Variants in SLC4A4 observed in about 807,000 individuals in gnomAD.
The protein encoded by SLC4A4 is electrogenic sodium bicarbonate cotransporter 1.
SLC4A4 carries 27 observed loss-of-function variants against 111.5 expected under a neutral mutation model. The observed-to-expected ratio is 0.24, with a 90% confidence interval of 0.18 to 0.33. The LOEUF (loss-of-function observed/expected upper bound fraction) is 0.33. SLC4A4 is among the 10% of genes least tolerant of loss of function. SLC4A4 has a pLI of 1.00. For synonymous variants in SLC4A4, 443 were observed against 463.4 expected, an observed-to-expected ratio of 0.96 and a Z score of 0.57; for missense variants, 909 against 1,315.5, an observed-to-expected ratio of 0.69 and a Z score of 4.78.
intron 1 of SLC4A4, among the ~76,000 whole-genome samples, chr4:71,199,804 C>T (rs548000559): frequency 6.6e-6 from 1 of 152,230 alleles, no homozygotes; most frequent in South Asian, 2.1e-4. Context: ...GAGCGCACCA[C>T]CATGCCTGGC....
chr4:71,468,464 C>CT (rs943333261), intron 13 of SLC4A4, among the ~76,000 whole-genome samples: 3 of 151,728 alleles, frequency 2.0e-5, no homozygotes, highest in Non-Finnish European at 4.4e-5. Flanking sequence ...CTCGTTCTCC[C>CT]TTTTTTTTCT....
intron 3 of SLC4A4, among the ~76,000 whole-genome samples, chr4:71,317,075 CGTGTGTGTGTGT>C (rs3039073): frequency 2.0e-4 from 29 of 147,482 alleles, no homozygotes; most frequent in African/African-American, 6.8e-4. Context: ...TGTGTGTGTG[CGTGTGTGTGTGT>C]GTGTGTGTGT....
In SLC4A4 at chr4:71,083,580, C is replaced by A. The variant is rs563145915; in HGVS notation, c.-64-9150C>A. ...ATACCTGAAGTGACAGACAGGGCAG[C>A]TAAAGGACAAGAACAGACTCCAAAG... On this transcript the variant is annotated intron_variant, in intron 1 of 26. Coordinates refer to the SLC4A4 transcript ENST00000649996. 1.1e-4 allele frequency among the ~76,000 whole-genome samples: 16 copies of A among 152,026 alleles called. No individual in the cohort carries two copies. In the East Asian group the frequency reaches 3.1e-3, roughly 29 times the overall value.
intron 1 of SLC4A4, among the ~76,000 whole-genome samples, chr4:71,068,628 C>G (rs1022473332): frequency 6.6e-6 from 1 of 151,738 alleles, no homozygotes; most frequent in African/African-American, 2.4e-5. Flanking sequence ...GATCACCGCT[C>G]ACTGCAACCT....
At chr4:71,538,801 T>C (rs757606173) in intron 18 of SLC4A4, among the ~76,000 whole-genome samples, 3 of 152,046 alleles carry the variant, frequency 2.0e-5, no homozygotes, top group Non-Finnish European at 4.4e-5. Context: ...GACACTTGGC[T>C]TTCTTTGACC....
intron 3 of SLC4A4, among the ~76,000 whole-genome samples, chr4:71,311,570 C>T (rs1250978564): frequency 6.6e-6 from 1 of 152,118 alleles, no homozygotes; most frequent in African/African-American, 2.4e-5. Context: ...ACTGAACAAC[C>T]TGCTCCTGAA....
At chr4:71,509,409 T>TC (rs1553924036) in intron 16 of SLC4A4, among the ~76,000 whole-genome samples, 120 of 73,580 alleles carry the variant, frequency 1.6e-3, no homozygotes, top group Non-Finnish European at 1.4e-3. Context: ...TAGGGAGGGA[T>TC]TTTTTTTTTT....
intron 8 of SLC4A4, among the ~76,000 whole-genome samples, chr4:71,442,093 C>G (rs1441051394): frequency 6.6e-6 from 1 of 152,136 alleles, no homozygotes; most frequent in Admixed American, 6.5e-5. Flanking sequence ...AAAACATGCC[C>G]AGAAGTGTTA....
At chr4:71,151,902 A>T (rs1273107043) in intron 2 of SLC4A4, among the ~76,000 whole-genome samples, 1 of 151,934 alleles carries the variant, frequency 6.6e-6, no homozygotes, top group Non-Finnish European at 1.5e-5. Flanking sequence ...CTCTACTAAA[A>T]ATACAAAAAT....
chr4:71,249,746 T>C (rs889712772), intron 2 of SLC4A4, among the ~76,000 whole-genome samples: 1 of 151,972 alleles, frequency 6.6e-6, no homozygotes, highest in Non-Finnish European at 1.5e-5. Context: ...AAAAAACTAG[T>C]TGGGCATGAT....
At chr4:71,182,221 A>G (rs1413866808) in intron 2 of SLC4A4, among the ~76,000 whole-genome samples, 1 of 152,214 alleles carries the variant, frequency 6.6e-6, no homozygotes, top group Non-Finnish European at 1.5e-5. Context: ...GGTAGAACTG[A>G]GCATCCTTTG....
At chr4:71,239,656 T>C (rs1271503528) in intron 2 of SLC4A4, among the ~76,000 whole-genome samples, 1 of 152,214 alleles carries the variant, frequency 6.6e-6, no homozygotes, top group African/African-American at 2.4e-5. Flanking sequence ...AATGAATTTA[T>C]CTATGTGGCA....
chr4:71,305,505 G>A (rs1725609679), intron 3 of SLC4A4, among the ~76,000 whole-genome samples: 2 of 152,184 alleles, frequency 1.3e-5, no homozygotes, highest in Admixed American at 6.5e-5. Flanking sequence ...TTTTCATAAT[G>A]TATGCTAAAA....
intron 9 of SLC4A4, among the ~76,000 whole-genome samples, chr4:71,449,533 A>G (rs536996766): frequency 5.3e-5 from 8 of 152,310 alleles, no homozygotes; most frequent in Non-Finnish European, 1.2e-4. Flanking sequence ...AGACTGTTAA[A>G]TGTTACTTAA....
chr4:71,371,224 A>G, intron 6 of SLC4A4, among the ~76,000 whole-genome samples: 1 of 144,392 alleles, frequency 6.9e-6, no homozygotes, highest in East Asian at 2.0e-4. Flanking sequence ...TTGTTGATAA[A>G]CTCTACCCTT....
chr4:71,555,990 T>C (rs1277776991), intron 21 of SLC4A4, among the ~76,000 whole-genome samples: 1 of 151,986 alleles, frequency 6.6e-6, no homozygotes, highest in East Asian at 1.9e-4. Context: ...CCTTGTTAAC[T>C]GTAGCCTTAT....
rs574965118 is a variant in SLC4A4, at chr4:71,400,591, A to G, written c.807+2938A>G. ...AGTTAATCCAATGAGTTCTTCAAGA[A>G]AGGAAGAAACTCCATTCTCTCTTCC... On this transcript the variant is annotated intron_variant, in intron 7 of 25. Transcript: ENST00000264485. Among the ~76,000 whole-genome samples, 7 of 152,328 alleles carry G rather than the reference A, an allele frequency of 4.6e-5. No homozygotes were observed. The South Asian group carries it at 1.5e-3, about 32-fold the overall frequency.
In SLC4A4 at chr4:71,424,643, A is replaced by G. The variant is rs188270482; in HGVS notation, c.808-15973A>G. Among the ~76,000 whole-genome samples the G allele has an allele frequency of 3.1e-3, 478 of 152,292 alleles. 3 individuals carry two copies. Among genetic ancestry groups the G allele is most frequent in the African/African-American group, 0.011 (448 of 41,570 alleles). On this transcript the variant is annotated intron_variant, in intron 7 of 25. Coordinates refer to ENST00000264485, the MANE Select transcript of SLC4A4 (RefSeq NM_001098484.3). ...TAAGAAAATGTGGCACATATACACC[A>G]TGGAATACTATGCAGCCATAAAAAA...
intron 2 of SLC4A4, among the ~76,000 whole-genome samples, chr4:71,244,133 A>G (rs1720456152): frequency 6.6e-6 from 1 of 152,206 alleles, no homozygotes; most frequent in South Asian, 2.1e-4. Context: ...GGTAGAATGA[A>G]AGCCCATGAT....
Sources: allele counts gnomAD v4.1 joint callset (sites outside exome capture counted in the v4.1 genomes callset), GRCh38; gene constraint gnomAD v4.1.1; transcripts MANE v1.5; gene names NCBI Gene and HGNC (gene_info 2026-07-23, HGNC 2026-07-21).